The following ASTN2 variants were observed in gnomAD, a reference collection of about 807,000 sequenced individuals.
The protein encoded by ASTN2 is astrotactin 2.
ASTN2 carries 54 observed loss-of-function variants against 139.8 expected under a neutral mutation model. That is an observed-to-expected ratio of 0.39 (90% CI 0.31 to 0.48). ASTN2 has a LOEUF of 0.48. Among genes scored for constraint, ASTN2 ranks in the 20% least tolerant of loss-of-function variants. ASTN2 has a pLI of 0.95. For synonymous variants in ASTN2, 756 were observed against 719.5 expected (o/e 1.05, Z -0.81); for missense variants, 1,565 against 1,725.1 (o/e 0.91, Z 1.64).
At chr9:117,259,622 A>C (rs1833774410) in intron 2 of ASTN2, among the ~76,000 whole-genome samples, 1 of 152,184 alleles carries the variant, frequency 6.6e-6, no homozygotes, top group African/African-American at 2.4e-5. Context: ...TCTTTCAACC[A>C]ATTGCCAATC....
intron 3 of ASTN2, among the ~76,000 whole-genome samples, chr9:117,185,253 T>G (rs188570547): frequency 2.3e-4 from 35 of 152,354 alleles, no homozygotes; most frequent in Admixed American, 2.2e-3. Flanking sequence ...GAATTGCTTT[T>G]GTAAAATGAA....
intron 2 of ASTN2, among the ~76,000 whole-genome samples, chr9:117,229,729 C>T (rs1176996741): frequency 1.3e-5 from 2 of 152,178 alleles, no homozygotes; most frequent in Non-Finnish European, 2.9e-5. Flanking sequence ...CACTCAAGAA[C>T]AACTAGCCTG....
In ASTN2 at chr9:117,382,864, A is replaced by T. The variant is rs1238198635; in HGVS notation, c.442+31633T>A. Among the ~76,000 whole-genome samples, 3 of 152,206 alleles carry T rather than the reference A, an allele frequency of 2.0e-5. No individual in the cohort carries two copies. The East Asian group carries it at 5.8e-4, about 29-fold the overall frequency. The stretch of plus-strand genomic sequence containing the variant: ...AAGGACTAAAAATGGCCACGTGTGA[A>T]CCATCCATATACACAATAGATGACT... On this transcript the variant is annotated intron_variant, in intron 1 of 22. Transcript: ENST00000313400.
chr9:117,340,299 T>C (rs1361060427), intron 1 of ASTN2, among the ~76,000 whole-genome samples: 1 of 114,920 alleles, frequency 8.7e-6, no homozygotes, highest in African/African-American at 3.4e-5. Context: ...GCCACCGCAC[T>C]CCAGCCTGGG....
At chr9:116,631,181 A>G (rs1856727254) in intron 17 of ASTN2, among the ~76,000 whole-genome samples, 1 of 152,224 alleles carries the variant, frequency 6.6e-6, no homozygotes, top group African/African-American at 2.4e-5. Context: ...AAACTACCAT[A>G]TAATCCAATA....
At chr9:117,035,396 C>T (rs1170935492) in intron 6 of ASTN2, among the ~76,000 whole-genome samples, 1 of 152,122 alleles carries the variant, frequency 6.6e-6, no homozygotes, top group Non-Finnish European at 1.5e-5. Flanking sequence ...GGTTGTAACA[C>T]ATTTATAAAT....
At chr9:117,081,855 C>T (rs112414398) in intron 5 of ASTN2, among the ~76,000 whole-genome samples, 4,375 of 152,244 alleles carry the variant, frequency 0.029, 201 homozygotes, top group African/African-American at 0.1. Flanking sequence ...ATCACTCATA[C>T]AGCTACAAGG....
At chr9:116,789,562 T>C (rs1399618661) in intron 13 of ASTN2, among the ~76,000 whole-genome samples, 1 of 152,230 alleles carries the variant, frequency 6.6e-6, no homozygotes, top group Non-Finnish European at 1.5e-5. Flanking sequence ...CTGTATAAAT[T>C]CACATCCAAT....
intron 7 of ASTN2, among the ~76,000 whole-genome samples, chr9:116,993,920 C>T (rs552036558): frequency 3.9e-4 from 58 of 147,522 alleles, no homozygotes; most frequent in Non-Finnish European, 7.6e-4. Context: ...GTGCCTGTCC[C>T]CTGCCCCGCA....
At chr9:117,312,857 C>A (rs1268193898) in intron 1 of ASTN2, among the ~76,000 whole-genome samples, 1 of 152,042 alleles carries the variant, frequency 6.6e-6, no homozygotes, top group African/African-American at 2.4e-5. Flanking sequence ...ATTTTGAATC[C>A]TTTTAGGAAA....
At position 116,901,253 on chromosome 9, in the gene ASTN2, A is replaced by G. The variant is rs1021533991; in HGVS notation, c.1890-37520T>C. On this transcript the variant is annotated intron_variant, in intron 10 of 22. Transcript: ENST00000313400. ...AAAATTATTTTGGAAGGCTGGGTGC[A>G]GTGGCTTACACCCATAAGGAGGCTG... 2.0e-5 allele frequency among the ~76,000 whole-genome samples: 3 copies of G among 152,188 alleles called. No homozygotes were observed. In the East Asian group the frequency reaches 5.8e-4, roughly 29 times the overall value.
intron 11 of ASTN2, among the ~76,000 whole-genome samples, chr9:116,836,975 CA>C (rs1832017469): frequency 1.3e-5 from 2 of 151,740 alleles, no homozygotes; most frequent in Non-Finnish European, 2.9e-5. Flanking sequence ...ATCCTTCATA[CA>C]AAAAAGTTGA....
chr9:117,266,518 T>C (rs977451871), intron 2 of ASTN2, among the ~76,000 whole-genome samples: 1 of 152,206 alleles, frequency 6.6e-6, no homozygotes, highest in African/African-American at 2.4e-5. Flanking sequence ...GACAGTGCCA[T>C]GGAGATGCCA....
chr9:117,316,752 G>A lies in ASTN2; in HGVS notation c.443-25239C>T, dbSNP rs183294972. ...GGTTTCCATATGGGCCTCATAGGGA[G>A]AAGAATAAACCACAAACTGCTATGG... is the stretch of plus-strand genomic sequence containing the variant. On this transcript the variant is annotated intron_variant, in intron 1 of 22. Coordinates refer to ENST00000313400, the MANE Select transcript of ASTN2 (RefSeq NM_001365068.1). Among the ~76,000 whole-genome samples, 685 of 152,280 alleles carry A rather than the reference G, an allele frequency of 4.5e-3. 4 individuals carry two copies. Among genetic ancestry groups the A allele is most frequent in the African/African-American group, 0.016 (650 of 41,564 alleles).
intron 1 of ASTN2, among the ~76,000 whole-genome samples, chr9:117,314,468 C>T (rs1420491681): frequency 1.3e-5 from 2 of 151,704 alleles, no homozygotes; most frequent in African/African-American, 4.8e-5. Context: ...ACCTGTGGCC[C>T]TGCGGTTGCT....
At position 117,308,213 on chromosome 9, in the gene ASTN2, AAATCAATCAATCAATCAATC is replaced by A. The variant is rs112764473; in HGVS notation, c.443-16720_443-16701del. On this transcript the variant is annotated intron_variant, in intron 1 of 22. Transcript: ENST00000313400. ...AGCTGATGTCCTGGATGCTGGGGCA[AAATCAATCAATCAATCAATC>A]AATCAATCAATCAATCAAACAAACA... Among the ~76,000 whole-genome samples, 6 of 150,240 alleles carry A rather than the reference AAATCAATCAATCAATCAATC, an allele frequency of 4.0e-5. No homozygotes were observed. In the South Asian group the frequency reaches 1.1e-3, roughly 27 times the overall value.
At chr9:116,767,726 G>A (rs1447525274) in intron 13 of ASTN2, among the ~76,000 whole-genome samples, 1 of 152,184 alleles carries the variant, frequency 6.6e-6, no homozygotes, top group African/African-American at 2.4e-5. Flanking sequence ...ACCCTCGTGA[G>A]CAGGGGTCCC....
intron 2 of ASTN2, among the ~76,000 whole-genome samples, chr9:117,218,563 C>T (rs772803799): frequency 3.3e-5 from 5 of 152,154 alleles, no homozygotes; most frequent in African/African-American, 4.8e-5. Flanking sequence ...TTGCAAGCAC[C>T]AATCTGAACA....
At chr9:116,432,933 G>A (rs1039211695) in intron 22 of ASTN2, among the ~76,000 whole-genome samples, 7 of 151,782 alleles carry the variant, frequency 4.6e-5, no homozygotes, top group Admixed American at 6.6e-5. Flanking sequence ...CCATCTTGGG[G>A]AAGGAAGGAA....
Sources: allele counts gnomAD v4.1 joint callset (sites outside exome capture counted in the v4.1 genomes callset), GRCh38; gene constraint gnomAD v4.1.1; transcripts MANE v1.5; gene names NCBI Gene and HGNC (gene_info 2026-07-23, HGNC 2026-07-21).